The following TNNI3K variants were observed in gnomAD, a reference collection of about 807,000 sequenced individuals.
TNNI3K encodes the protein serine/threonine-protein kinase TNNI3K.
A neutral mutation model predicts 114.5 loss-of-function variants in TNNI3K; 140 were observed. That is an observed-to-expected ratio of 1.22 (90% confidence interval 1.07 to 1.41). The LOEUF is 1.41. TNNI3K is among the 40% of genes most tolerant of loss of function. The pLI, the probability that TNNI3K is intolerant of heterozygous loss-of-function variation, is 0.00. For synonymous variants in TNNI3K, 347 were observed against 347.5 expected (o/e 1.00, Z 0.02); for missense variants, 1,125 against 1,007.6 (o/e 1.12, Z -1.58).
chr1:74,369,398 G>T lies in TNNI3K; in HGVS notation c.1480G>T (p.Ala494Ser). Residue 494 changes from alanine to serine, a missense_variant, in exon 16 of 25, where the codon GCC becomes TCC. By Grantham distance (99) the Ala-to-Ser change is moderately conservative (BLOSUM62 1). Transcript: ENST00000326637. ...TGTTGCTGCCATTTCCAGTTATCGA[G>T]CCAATACCTACTGCTCCAAGTCAGA... ...NKIVAIKRYR[A>S]NTYCSKSDVD... 1 of 1,609,928 alleles carries T rather than the reference G, an allele frequency of 6.2e-7. No individual in the cohort carries two copies. The highest frequency in any genetic ancestry group is 8.5e-7 in the Non-Finnish European group (1 of 1,177,950).
chr1:74,441,464 T>C (rs1232439287), intron 20 of TNNI3K, among the ~76,000 whole-genome samples: 1 of 152,180 alleles, frequency 6.6e-6, no homozygotes, highest in Non-Finnish European at 1.5e-5. Context: ...TTAGGGCTAT[T>C]AAGAATAAAT....
intron 17 of TNNI3K, among the ~76,000 whole-genome samples, chr1:74,423,479 T>C (rs2100639835): frequency 6.6e-6 from 1 of 152,246 alleles, no homozygotes; most frequent in African/African-American, 2.4e-5. Flanking sequence ...AGTAAATGAA[T>C]TTAGAAACCA....
At chr1:74,483,421 A>T (rs1368955009) in intron 21 of TNNI3K, 1 of 705,154 alleles carries the variant, frequency 1.4e-6, no homozygotes, top group Non-Finnish European at 2.6e-6. Context: ...GTTGGCATTC[A>T]CTGTCCATTA....
At chr1:74,293,755 C>G (rs980793541) in intron 5 of TNNI3K, among the ~76,000 whole-genome samples, 2 of 151,570 alleles carry the variant, frequency 1.3e-5, no homozygotes, top group African/African-American at 4.8e-5. Flanking sequence ...CTGTTTTATT[C>G]CTGATTTTAG....
chr1:74,517,099 T>C (rs1646360128), intron 23 of TNNI3K, among the ~76,000 whole-genome samples: 1 of 152,182 alleles, frequency 6.6e-6, no homozygotes, highest in Non-Finnish European at 1.5e-5. Flanking sequence ...ACCCCTATTT[T>C]GGTAGATGCT....
chr1:74,236,001 T>A, intron 1 of TNNI3K, 101 bp from the exon 2 acceptor site: 2 of 748,918 alleles, frequency 2.7e-6, no homozygotes, highest in Non-Finnish European at 4.2e-6. Context: ...TATTGTAGAA[T>A]CTAGAATAAA....
At chr1:74,280,305 C>T (rs1432965234) in intron 5 of TNNI3K, among the ~76,000 whole-genome samples, 1 of 152,008 alleles carries the variant, frequency 6.6e-6, no homozygotes, top group African/African-American at 2.4e-5. Flanking sequence ...TGGTGCGAAC[C>T]TGGGAGGCGG....
intron 17 of TNNI3K, chr1:74,373,427 C>T (rs1045262644): frequency 6.6e-6 from 1 of 151,844 alleles, no homozygotes; most frequent in Non-Finnish European, 1.5e-5. Context: ...ACATCAGAGA[C>T]TGGGAAACTC....
chr1:74,353,584 C>G (rs1165910463), intron 10 of TNNI3K, among the ~76,000 whole-genome samples: 2 of 151,174 alleles, frequency 1.3e-5, no homozygotes, highest in Admixed American at 6.6e-5. Flanking sequence ...GTCAGTGCAT[C>G]CTCTTATGGC....
intron 19 of TNNI3K, among the ~76,000 whole-genome samples, chr1:74,437,227 C>T (rs1471467795): frequency 6.6e-6 from 1 of 151,976 alleles, no homozygotes; most frequent in Non-Finnish European, 1.5e-5. Context: ...CCTCTTAAAC[C>T]TCTCACTTCC....
intron 23 of TNNI3K, among the ~76,000 whole-genome samples, chr1:74,493,289 TG>T (rs1285898176): frequency 2.6e-5 from 4 of 152,206 alleles, no homozygotes; most frequent in Non-Finnish European, 5.9e-5. Context: ...ATTAAAATGG[TG>T]GTTGTAAAAC....
At chr1:74,355,242 C>T (rs754338155) in intron 11 of TNNI3K, among the ~76,000 whole-genome samples, 2 of 152,090 alleles carry the variant, frequency 1.3e-5, no homozygotes. Flanking sequence ...AAAGATTGTA[C>T]TGAAAATAAC....
At chr1:74,538,495 C>A (rs1249295864) in intron 23 of TNNI3K, among the ~76,000 whole-genome samples, 1 of 152,058 alleles carries the variant, frequency 6.6e-6, no homozygotes, top group Non-Finnish European at 1.5e-5. Flanking sequence ...AATTCCCCAC[C>A]CTCATTGTGT....
At chr1:74,237,654 A>G (rs1653939236) in intron 2 of TNNI3K, among the ~76,000 whole-genome samples, 1 of 151,972 alleles carries the variant, frequency 6.6e-6, no homozygotes, top group Non-Finnish European at 1.5e-5. Flanking sequence ...AGCTGTTTTG[A>G]CAACTGCTAT....
chr1:74,244,659 C>G (rs1041067310), intron 2 of TNNI3K, among the ~76,000 whole-genome samples: 4 of 148,706 alleles, frequency 2.7e-5, no homozygotes, highest in Non-Finnish European at 5.9e-5. Context: ...AGGACTGATG[C>G]ATTCAAAGGA....
intron 5 of TNNI3K, among the ~76,000 whole-genome samples, chr1:74,303,853 G>A (rs1283666268): frequency 6.6e-6 from 1 of 152,138 alleles, no homozygotes; most frequent in African/African-American, 2.4e-5. Context: ...ACAGGAGTTT[G>A]GCAGAAGTTG....
In TNNI3K at chr1:74,522,599, A is replaced by G. The variant is rs566992777; in HGVS notation, c.2352-17635A>G. 3.3e-5 allele frequency among the ~76,000 whole-genome samples: 5 copies of G among 152,128 alleles called. No homozygotes were observed. In the East Asian group the frequency reaches 9.7e-4, roughly 29 times the overall value. On this transcript the variant is annotated intron_variant, in intron 23 of 24. Coordinates refer to ENST00000326637, the MANE Select transcript of TNNI3K (RefSeq NM_015978.3). ...ATCTGTCTTTTTCCTGCATATTCCC[A>G]AAATGTAAGTAGCTGTTTTTCTGGT... is the stretch of plus-strand genomic sequence containing the variant.
At chr1:74,268,832 C>G (rs1048257046) in intron 4 of TNNI3K, among the ~76,000 whole-genome samples, 1 of 151,780 alleles carries the variant, frequency 6.6e-6, no homozygotes, top group African/African-American at 2.4e-5. Context: ...GCCTCAAAAT[C>G]TGCTTCTTCC....
chr1:74,269,581 C>A (rs1656221697), intron 4 of TNNI3K, among the ~76,000 whole-genome samples: 1 of 151,740 alleles, frequency 6.6e-6, no homozygotes, highest in South Asian at 2.1e-4. Context: ...AAGTATAAGT[C>A]AGTTAAAACC....
Sources: gnomAD v4.1 joint callset for allele counts (sites outside exome capture counted in the v4.1 genomes callset) on GRCh38, gnomAD v4.1.1 for gene constraint, MANE v1.5 for transcripts, NCBI Gene and HGNC (gene_info 2026-07-23, HGNC 2026-07-21) for gene names.